The following RMDN2 variants were observed in gnomAD, a reference collection of about 807,000 sequenced individuals.
RMDN2 encodes regulator of microtubule dynamics 2.
In RMDN2, 61 loss-of-function variants were observed where a neutral mutation model predicts 52.8. The ratio of observed to expected loss-of-function variants is 1.16; its 90% CI spans 0.94 to 1.43. RMDN2 has a LOEUF of 1.43. RMDN2 is among the 40% of genes most tolerant of loss of function. The pLI is 0.00. For synonymous variants in RMDN2, 180 were observed against 153.1 expected (o/e 1.18, Z -1.30); for missense variants, 592 against 475.3 (o/e 1.25, Z -2.28).
At chr2:38,065,223 A>C (rs1682220850) in intron 10 of RMDN2, among the ~76,000 whole-genome samples, 1 of 152,224 alleles carries the variant, frequency 6.6e-6, no homozygotes, top group Non-Finnish European at 1.5e-5. Flanking sequence ...AGGATGAGAT[A>C]TGTACAGCAC....
At chr2:37,953,073 A>T (rs1669042283) in intron 2 of RMDN2, 1 of 151,952 alleles carries the variant, frequency 6.6e-6, no homozygotes. Flanking sequence ...ATCCTAATAA[A>T]ATGTCCCCCA....
Position 37,994,593 on chromosome 2 carries a change from A to T in RMDN2, c.946-2823A>T, listed in dbSNP as rs573461474. 2.6e-5 allele frequency among the ~76,000 whole-genome samples: 4 copies of T among 152,374 alleles called. No individual in the cohort carries two copies. The East Asian group carries it at 7.7e-4, about 29-fold the overall frequency. The stretch of plus-strand genomic sequence containing the variant: ...GAGTGGTAAGCAAGCATATGAAAAG[A>T]TACTGATCATCAGTAGTCATTAGAA... On this transcript the variant is annotated intron_variant, in intron 7 of 10. Coordinates refer to ENST00000354545, the MANE Select transcript of RMDN2 (RefSeq NM_001170791.3).
At chr2:37,964,602 A>G (rs1461216172) in intron 2 of RMDN2, among the ~76,000 whole-genome samples, 2 of 152,106 alleles carry the variant, frequency 1.3e-5, no homozygotes, top group African/African-American at 2.4e-5. Flanking sequence ...GGCCTAATAT[A>G]TTATCTACTT....
intron 10 of RMDN2, among the ~76,000 whole-genome samples, chr2:38,044,498 C>A (rs1681152710): frequency 6.6e-6 from 1 of 151,596 alleles, no homozygotes; most frequent in African/African-American, 2.4e-5. Context: ...TTTTGTTATT[C>A]CCATTTCCCA....
At chr2:38,064,971 C>T (rs1159415527) in intron 10 of RMDN2, among the ~76,000 whole-genome samples, 1 of 152,140 alleles carries the variant, frequency 6.6e-6, no homozygotes, top group Non-Finnish European at 1.5e-5. Flanking sequence ...CACTTGCTGA[C>T]CCAACACTTC....
intron 2 of RMDN2, among the ~76,000 whole-genome samples, chr2:37,939,486 T>C (rs1448287358): frequency 2.6e-5 from 4 of 152,296 alleles, no homozygotes; most frequent in African/African-American, 9.6e-5. Context: ...ATATTGACAG[T>C]GGGGTGTTAA....
At chr2:38,018,879 T>TGCACGC (rs1679117701), downstream of RMDN2, among the ~76,000 whole-genome samples, 1 of 152,186 alleles carries the variant, frequency 6.6e-6, no homozygotes, top group Non-Finnish European at 1.5e-5. Context: ...TGGGTGCACA[T>TGCACGC]GCACGCACAC....
intron 10 of RMDN2, among the ~76,000 whole-genome samples, chr2:38,004,986 A>G (rs1176238368): frequency 6.6e-6 from 1 of 151,968 alleles, no homozygotes; most frequent in East Asian, 1.9e-4. Flanking sequence ...GCTGAGAATG[A>G]TGGTTTCCAG....
intron 10 of RMDN2, among the ~76,000 whole-genome samples, chr2:38,057,675 G>A (rs1681897844): frequency 6.6e-6 from 1 of 152,144 alleles, no homozygotes; most frequent in Non-Finnish European, 1.5e-5. Context: ...CATGGTAGGA[G>A]GTGATTGGAT....
At chr2:37,955,429 T>C (rs1198033102) in intron 2 of RMDN2, among the ~76,000 whole-genome samples, 1 of 152,192 alleles carries the variant, frequency 6.6e-6, no homozygotes, top group East Asian at 1.9e-4. Flanking sequence ...CAAATGCTTT[T>C]TCTGCATCAA....
chr2:38,063,272 A>G (rs188315772), intron 10 of RMDN2, among the ~76,000 whole-genome samples: 7 of 152,262 alleles, frequency 4.6e-5, no homozygotes, highest in Non-Finnish European at 7.4e-5. Context: ...CATCCTCTCC[A>G]GCACCTGTTG....
intron 2 of RMDN2, among the ~76,000 whole-genome samples, chr2:37,955,073 C>A (rs932344892): frequency 2.0e-5 from 3 of 151,914 alleles, no homozygotes; most frequent in African/African-American, 7.3e-5. Flanking sequence ...GAATTTTATT[C>A]TTATTTTGTG....
At chr2:38,060,175 G>C (rs548955094) in intron 10 of RMDN2, among the ~76,000 whole-genome samples, 3 of 151,708 alleles carry the variant, frequency 2.0e-5, no homozygotes, top group Admixed American at 2.0e-4. Context: ...TCGATCTCCT[G>C]ACCTCATGAT....
chr2:37,974,130 CCTT>C lies in RMDN2; in HGVS notation c.548_550del (p.Leu183del). 1.9e-6 allele frequency: 3 copies of C among 1,612,986 alleles called. No homozygotes were observed. The highest frequency in any genetic ancestry group is 2.5e-6 in the Non-Finnish European group (3 of 1,179,170). Reference sequence around the variant, plus strand: ...GTGTAGAGGAATTAAATTTAGATGTCCTTCTTCAGAAGGTAGATCATTTACGTA... The same window carrying C: ...GTGTAGAGGAATTAAATTTAGATGTCCTTCAGAAGGTAGATCATTTACGTA... On this transcript the variant is annotated inframe_deletion, in exon 3 of 11. Transcript: ENST00000354545.
upstream of RMDN2, among the ~76,000 whole-genome samples, chr2:37,924,042 G>A (rs1457104039): frequency 1.3e-5 from 2 of 152,116 alleles, no homozygotes; most frequent in South Asian, 2.1e-4. Context: ...GAGCCACTGC[G>A]CCCTGCTACA....
chr2:37,949,571 A>T (rs1018554447), intron 2 of RMDN2, among the ~76,000 whole-genome samples: 35 of 152,186 alleles, frequency 2.3e-4, no homozygotes, highest in African/African-American at 8.2e-4. Flanking sequence ...GTAAGAGATT[A>T]CTTTATTAGT....
In RMDN2 at chr2:38,007,278, T is replaced by TG. The variant is rs1677241837; in HGVS notation, c.1179+3064dup. 3.3e-5 allele frequency among the ~76,000 whole-genome samples: 5 copies of TG among 152,336 alleles called. No homozygotes were observed. In the South Asian group the frequency reaches 1.0e-3, roughly 32 times the overall value. Reference sequence around the variant, plus strand: ...TTGATTGGAATAGTTTCAGAAGGAATGGTACCAGCTCCTCCTTGTACCTCT... The same window carrying TG: ...TTGATTGGAATAGTTTCAGAAGGAATGGGTACCAGCTCCTCCTTGTACCTCT... On this transcript the variant is annotated intron_variant, in intron 10 of 10. Transcript: ENST00000354545.
intron 2 of RMDN2, among the ~76,000 whole-genome samples, chr2:37,961,012 T>C (rs1289860714): frequency 1.3e-5 from 2 of 152,210 alleles, no homozygotes; most frequent in African/African-American, 2.4e-5. Flanking sequence ...TTTTGAATAT[T>C]GGCCCCCACT....
intron 10 of RMDN2, among the ~76,000 whole-genome samples, chr2:38,024,350 G>A (rs992920279): frequency 2.0e-5 from 3 of 152,018 alleles, no homozygotes; most frequent in Non-Finnish European, 2.9e-5. Context: ...TATAAAAAAC[G>A]GTCAAACTGT....
Sources: gnomAD v4.1 joint callset for allele counts (sites outside exome capture counted in the v4.1 genomes callset) on GRCh38, gnomAD v4.1.1 for gene constraint, MANE v1.5 for transcripts, NCBI Gene and HGNC (gene_info 2026-07-23, HGNC 2026-07-21) for gene names.